Variants in IL2RB observed in about 807,000 individuals in gnomAD.
The protein encoded by IL2RB is interleukin-2 receptor subunit beta.
Under a neutral mutation model 44.2 loss-of-function variants are expected in IL2RB, and 17 were observed. The observed-to-expected ratio is 0.38, with a 90% CI of 0.26 to 0.58. IL2RB has a LOEUF of 0.58. Ranked by LOEUF, IL2RB falls within the 20% of genes least tolerant of loss-of-function variation. The probability of loss-of-function intolerance (pLI) is 0.63; values close to 1 mark genes in which losing one functional copy is unlikely to be tolerated. For synonymous variants in IL2RB, 286 were observed against 297.9 expected (o/e 0.96, Z 0.41); for missense variants, 624 against 685.5 (o/e 0.91, Z 1.00).
At chr22:37,135,233 T>C (rs1921624233) in intron 8 of IL2RB, 95 bp downstream of exon 8, 2 of 796,952 alleles carry the variant, frequency 2.5e-6, no homozygotes, top group South Asian at 3.0e-5. Context: ...TGTGTGTGTG[T>C]ATGTGTGCTT....
chr22:37,136,469 C>CCA (rs1194834357), intron 6 of IL2RB, 76 bp from the exon 7 acceptor site: 32 of 1,441,028 alleles, frequency 2.2e-5, no homozygotes, highest in Non-Finnish European at 2.5e-5. Context: ...TCACAGAACC[C>CCA]CCCCCCAACC....
Position 37,136,385 on chromosome 22 carries a change from G to C in IL2RB, c.546C>G (p.Pro182=). The C allele has an allele frequency of 6.2e-7, 1 of 1,609,594 alleles. No individual in the cohort carries two copies. Among genetic ancestry groups the C allele is most frequent in the South Asian group, 1.1e-5 (1 of 90,266 alleles). Reference sequence around the variant, plus strand: ...CCTGCTTCTGCTTGAGAGTCAGCAGGGGGGCCTCCTGGGTCGGAGACAGGA... The same window carrying C: ...CCTGCTTCTGCTTGAGAGTCAGCAGCGGGGCCTCCTGGGTCGGAGACAGGA... The part of the protein sequence containing the change: ...LSPGHTWEEA[P]LLTLKQKQEW... Residue 182 remains proline (P), a synonymous_variant, in exon 7 of 10, where the codon CCC becomes CCG. Transcript: ENST00000216223.
chr22:37,153,013 C>A (rs933201384), upstream of IL2RB, among the ~76,000 whole-genome samples: 12 of 147,142 alleles, frequency 8.2e-5, no homozygotes, highest in African/African-American at 2.8e-4. Flanking sequence ...CGGCTCACTG[C>A]AACCTCTGCC....
At chr22:37,169,778 C>T (rs1009338312) in intron 1 of IL2RB, among the ~76,000 whole-genome samples, 1 of 152,208 alleles carries the variant, frequency 6.6e-6, no homozygotes, top group Admixed American at 6.5e-5. Context: ...CAGGCCTTTA[C>T]CCTTGCTTTC....
chr22:37,158,725 T>C (rs1315659894), intron 1 of IL2RB, among the ~76,000 whole-genome samples: 1 of 152,220 alleles, frequency 6.6e-6, no homozygotes, highest in Non-Finnish European at 1.5e-5. Flanking sequence ...GGCATACGTC[T>C]GTGAAGGTGC....
intron 1 of IL2RB, among the ~76,000 whole-genome samples, chr22:37,167,431 C>T (rs1169104586): frequency 6.6e-6 from 1 of 152,234 alleles, no homozygotes; most frequent in African/African-American, 2.4e-5. Context: ...TCCGACCCCA[C>T]CCAACATTTC....
intron 1 of IL2RB, among the ~76,000 whole-genome samples, chr22:37,159,396 G>T (rs1032141522): frequency 2.6e-5 from 4 of 152,100 alleles, no homozygotes; most frequent in Non-Finnish European, 4.4e-5. Context: ...GATGCCCTCC[G>T]TCAGGCCTGG....
At chr22:37,152,818 C>A (rs1269992136), upstream of IL2RB, among the ~76,000 whole-genome samples, 1 of 151,902 alleles carries the variant, frequency 6.6e-6, no homozygotes, top group Admixed American at 6.6e-5. Context: ...TGCTACATCA[C>A]AGCCCCATAG....
At chr22:37,166,151 T>A (rs1303528863) in intron 1 of IL2RB, among the ~76,000 whole-genome samples, 4 of 152,108 alleles carry the variant, frequency 2.6e-5, no homozygotes. Flanking sequence ...ACAGGGCCCC[T>A]CCAGCCTTAG....
At chr22:37,146,699 G>C (rs1922242464) in intron 1 of IL2RB, among the ~76,000 whole-genome samples, 1 of 152,318 alleles carries the variant, frequency 6.6e-6, no homozygotes, top group Middle Eastern at 3.4e-3. Flanking sequence ...GCGTTGACCA[G>C]GGGCTGGCCC....
chr22:37,160,640 G>A (rs1344276712), intron 1 of IL2RB, among the ~76,000 whole-genome samples: 3 of 149,736 alleles, frequency 2.0e-5, no homozygotes, highest in Non-Finnish European at 4.4e-5. Flanking sequence ...TCAGGAATTC[G>A]AGACCAGCCT....
At chr22:37,159,488 G>A (rs941814898) in intron 1 of IL2RB, among the ~76,000 whole-genome samples, 6 of 152,136 alleles carry the variant, frequency 3.9e-5, no homozygotes, top group African/African-American at 1.4e-4. Flanking sequence ...ATTTCAGGAA[G>A]GGGGAAGGAG....
intron 7 of IL2RB, among the ~76,000 whole-genome samples, chr22:37,135,685 G>A (rs946067288): frequency 2.6e-5 from 4 of 152,024 alleles, no homozygotes; most frequent in Admixed American, 1.3e-4. Flanking sequence ...CCCCCCTGGT[G>A]AGCCTACAGC....
At chr22:37,148,334 G>T (rs1236147565) in intron 1 of IL2RB, among the ~76,000 whole-genome samples, 1 of 152,160 alleles carries the variant, frequency 6.6e-6, no homozygotes, top group Non-Finnish European at 1.5e-5. Context: ...GGAGGCCAAG[G>T]AACCCACTTA....
chr22:37,136,215 C>A lies in IL2RB; in HGVS notation c.703+13G>T, dbSNP rs3218298. On this transcript the variant is annotated intron_variant, in intron 7 of 9. Coordinates refer to ENST00000216223, the MANE Select transcript of IL2RB (RefSeq NM_000878.5). ...TGCCTGAGCCCCCTCTCACCCTTGC[C>A]GCCCACCAGTACCTGCAGGCTTTGT... The A allele has an allele frequency of 6.2e-7, 1 of 1,603,166 alleles. No homozygotes were observed. Among genetic ancestry groups the A allele is most frequent in the East Asian group, 2.2e-5 (1 of 44,540 alleles).
intron 1 of IL2RB, among the ~76,000 whole-genome samples, chr22:37,168,291 A>C (rs1432161376): frequency 6.6e-6 from 1 of 152,204 alleles, no homozygotes; most frequent in Non-Finnish European, 1.5e-5. Flanking sequence ...TGTGGTCATA[A>C]TGAGTATGAG....
rs541139751 is a variant in IL2RB, at chr22:37,138,187, A to G, written c.389-452T>C. On this transcript the variant is annotated intron_variant, in intron 5 of 9. Coordinates refer to ENST00000216223, the MANE Select transcript of IL2RB (RefSeq NM_000878.5). ...CTTACAATTGACCTGAGAGCTTTCC[A>G]TGGATCATCTCATTTATTTTAAGTG... 2.6e-5 allele frequency among the ~76,000 whole-genome samples: 4 copies of G among 152,298 alleles called. No homozygotes were observed. In the South Asian group the frequency reaches 6.2e-4, roughly 24 times the overall value.
intron 1 of IL2RB, among the ~76,000 whole-genome samples, chr22:37,154,918 A>G (rs1922626180): frequency 6.6e-6 from 1 of 152,024 alleles, no homozygotes; most frequent in Non-Finnish European, 1.5e-5. Flanking sequence ...GCCAGAATCC[A>G]GTGAAGTTTT....
At chr22:37,131,309 G>A (rs901365577) in intron 9 of IL2RB, among the ~76,000 whole-genome samples, 5 of 152,224 alleles carry the variant, frequency 3.3e-5, no homozygotes, top group African/African-American at 7.2e-5. Flanking sequence ...GCTCTGGTCC[G>A]GCATGGCTTT....
Sources: allele counts gnomAD v4.1 joint callset (sites outside exome capture counted in the v4.1 genomes callset), GRCh38; gene constraint gnomAD v4.1.1; transcripts MANE v1.5; gene names NCBI Gene and HGNC (gene_info 2026-07-23, HGNC 2026-07-21).